The following EFCAB8 variants were observed in gnomAD, a reference collection of about 807,000 sequenced individuals.
The protein encoded by EFCAB8 is EF-hand calcium binding domain 8.
A neutral mutation model predicts 116.3 loss-of-function variants in EFCAB8; 100 were observed. The observed-to-expected ratio is 0.86, with a 90% CI of 0.73 to 1.02. The LOEUF is 1.02. Ranked by LOEUF, EFCAB8 falls within the 50% of genes least tolerant of loss-of-function variation. EFCAB8 has a pLI of 0.00. For synonymous variants in EFCAB8, 558 were observed against 567.9 expected (o/e 0.98, Z 0.25); for missense variants, 1,320 against 1,416.9 (o/e 0.93, Z 1.10).
chr20:32,917,586 G>GCTCCC, intron 18 of EFCAB8, 81 bp downstream of exon 18: 2 of 1,379,690 alleles, frequency 1.4e-6, no homozygotes, highest in Non-Finnish European at 2.0e-6. Context: ...AGGGTGGGGA[G>GCTCCC]CACCCTGGGA....
intron 16 of EFCAB8, among the ~76,000 whole-genome samples, chr20:32,912,400 C>G (rs1986974314): frequency 6.7e-6 from 1 of 149,992 alleles, no homozygotes; most frequent in East Asian, 1.9e-4. Flanking sequence ...CCATCGCACT[C>G]CAGCCTGGGC....
chr20:32,926,808 A>G (rs986979549), intron 20 of EFCAB8, among the ~76,000 whole-genome samples: 1 of 145,228 alleles, frequency 6.9e-6, no homozygotes, highest in Non-Finnish European at 1.5e-5. Flanking sequence ...ATGATTTCCA[A>G]TTTCATCCAT....
At chr20:32,923,533 C>T (rs543694129) in intron 20 of EFCAB8, among the ~76,000 whole-genome samples, 9 of 152,072 alleles carry the variant, frequency 5.9e-5, no homozygotes, top group South Asian at 2.1e-4. Flanking sequence ...AAACTTTATA[C>T]GAGTGTATAA....
intron 18 of EFCAB8, among the ~76,000 whole-genome samples, chr20:32,917,849 A>G (rs765743670): frequency 9.2e-5 from 14 of 152,108 alleles, no homozygotes; most frequent in Admixed American, 3.3e-4. Flanking sequence ...ACACATTACC[A>G]CTGTGGGCTC....
chr20:32,953,188 A>G (rs1354601075), intron 23 of EFCAB8, among the ~76,000 whole-genome samples: 3 of 152,176 alleles, frequency 2.0e-5, no homozygotes, highest in African/African-American at 7.2e-5. Flanking sequence ...ATTTCATTGT[A>G]TATATATGCC....
intron 3 of EFCAB8, among the ~76,000 whole-genome samples, chr20:32,869,977 T>C (rs1984607272): frequency 6.6e-6 from 1 of 152,166 alleles, no homozygotes; most frequent in African/African-American, 2.4e-5. Flanking sequence ...TAGAGCTTGA[T>C]TTTTCCCCCT....
intron 10 of EFCAB8, among the ~76,000 whole-genome samples, chr20:32,896,764 C>T (rs988328368): frequency 2.6e-5 from 4 of 152,174 alleles, no homozygotes; most frequent in South Asian, 2.1e-4. Flanking sequence ...TGGCCGACAC[C>T]GCCTCGCTCC....
intron 11 of EFCAB8, chr20:32,903,442 T>A (rs1312016579): frequency 5.3e-5 from 8 of 152,274 alleles, no homozygotes; most frequent in Non-Finnish European, 1.2e-4. Context: ...CCTCCTGTTG[T>A]TTCCCTCTAG....
At chr20:32,932,428 A>G (rs908175007) in intron 22 of EFCAB8, among the ~76,000 whole-genome samples, 2 of 152,212 alleles carry the variant, frequency 1.3e-5, no homozygotes, top group African/African-American at 4.8e-5. Context: ...CTATGTGTAT[A>G]TCATACATCA....
chr20:32,943,960 T>C (rs1988495024), intron 23 of EFCAB8, among the ~76,000 whole-genome samples, 156 bp downstream of exon 23: 1 of 152,172 alleles, frequency 6.6e-6, no homozygotes, highest in African/African-American at 2.4e-5. Flanking sequence ...TGTCCAATTA[T>C]CCATTCAGCA....
At chr20:32,905,470 A>G (rs1338151509) in intron 11 of EFCAB8, among the ~76,000 whole-genome samples, 1 of 152,012 alleles carries the variant, frequency 6.6e-6, no homozygotes, top group East Asian at 1.9e-4. Context: ...CTTCAGAAAT[A>G]AGGACATTGG....
chr20:32,875,861 C>T (rs923833063), intron 3 of EFCAB8, 65 bp from the exon 4 acceptor site: 21 of 1,429,016 alleles, frequency 1.5e-5, no homozygotes, highest in South Asian at 3.7e-5. Context: ...TTGAGAACTC[C>T]GTGGCAGTGA....
chr20:32,959,174 G>A (rs965405455), intron 24 of EFCAB8, among the ~76,000 whole-genome samples: 1 of 152,210 alleles, frequency 6.6e-6, no homozygotes, highest in African/African-American at 2.4e-5. Context: ...CTGCCTCAGA[G>A]AACTCACAGT....
At chr20:32,922,552 G>A (rs1987502956) in intron 20 of EFCAB8, among the ~76,000 whole-genome samples, 1 of 152,200 alleles carries the variant, frequency 6.6e-6, no homozygotes, top group Non-Finnish European at 1.5e-5. Context: ...TAAAGGGCAT[G>A]TCACAGAGTG....
At chr20:32,947,931 T>C (rs1230784092) in intron 23 of EFCAB8, among the ~76,000 whole-genome samples, 1 of 129,874 alleles carries the variant, frequency 7.7e-6, no homozygotes, top group East Asian at 2.3e-4. Context: ...AAAAAGAAAC[T>C]AGAAAGAAAG....
In EFCAB8 at chr20:32,959,987, G is replaced by A. The variant is rs1376533360; in HGVS notation, c.3294+5G>A. ...TGGGAGTCCAGGGACAAGCAGGTGA[G>A]GCTGGGAGGGGAGCACAGGGAGGAG... On this transcript the variant is annotated splice_donor_5th_base_variant and intron_variant, in intron 25 of 26. Coordinates refer to ENST00000400522, the MANE Select transcript of EFCAB8 (RefSeq NM_001143967.2). 3 of 1,551,610 alleles carry A rather than the reference G, an allele frequency of 1.9e-6. No individual in the cohort carries two copies. Among genetic ancestry groups the A allele is most frequent in the Non-Finnish European group, 2.6e-6 (3 of 1,146,948 alleles).
chr20:32,918,003 G>A (rs528301386), intron 18 of EFCAB8, among the ~76,000 whole-genome samples: 2 of 152,364 alleles, frequency 1.3e-5, no homozygotes, highest in South Asian at 4.1e-4. Context: ...CTGCAGGGGG[G>A]CTCTGGTAGG....
chr20:32,921,778 A>G (rs532527683), intron 20 of EFCAB8, among the ~76,000 whole-genome samples: 221 of 147,462 alleles, frequency 1.5e-3, no homozygotes, highest in Non-Finnish European at 2.7e-3. Flanking sequence ...TATAGCATGG[A>G]TATACTTTCA....
intron 2 of EFCAB8, among the ~76,000 whole-genome samples, chr20:32,866,934 T>G (rs150681576): frequency 1.0e-3 from 156 of 151,872 alleles, no homozygotes; most frequent in African/African-American, 3.6e-3. Flanking sequence ...TCGTTTCTTT[T>G]TTTTTTGAAG....
Sources: gnomAD v4.1 joint callset for allele counts (sites outside exome capture counted in the v4.1 genomes callset) on GRCh38, gnomAD v4.1.1 for gene constraint, MANE v1.5 for transcripts, NCBI Gene and HGNC (gene_info 2026-07-23, HGNC 2026-07-21) for gene names.